The following EPHX2 variants were observed in gnomAD, a reference collection of about 807,000 sequenced individuals.
The protein encoded by EPHX2 is bifunctional epoxide hydrolase 2.
Under a neutral mutation model 78.7 loss-of-function variants are expected in EPHX2, and 74 were observed. The observed-to-expected ratio is 0.94, with a 90% CI of 0.78 to 1.14. EPHX2 has a LOEUF of 1.14. Among genes scored for constraint, EPHX2 ranks in the 50% most tolerant of loss-of-function variants. EPHX2 has a pLI of 0.00. For missense variants in EPHX2, 715 were observed against 702.5 expected (o/e 1.02, Z -0.20); for synonymous variants, 251 against 255.2 (o/e 0.98, Z 0.16).
chr8:27,546,574 C>T (rs1280636809), downstream of EPHX2, among the ~76,000 whole-genome samples: 1 of 152,112 alleles, frequency 6.6e-6, no homozygotes, highest in African/African-American at 2.4e-5. Context: ...TGTAAGGGAG[C>T]AGTTGGGGGA....
intron 16 of EPHX2, 73 bp from the exon 17 acceptor site, chr8:27,543,676 G>T: frequency 6.7e-7 from 1 of 1,485,678 alleles, no homozygotes; most frequent in South Asian, 1.2e-5. Flanking sequence ...TGGCGAGCAG[G>T]GGTCTTTCAG....
chr8:27,511,977 A>T, intron 6 of EPHX2, 67 bp downstream of exon 6: 1 of 1,487,126 alleles, frequency 6.7e-7, no homozygotes, highest in South Asian at 1.1e-5. Context: ...CGACCAGCAG[A>T]GACACCCAAG....
intron 10 of EPHX2, among the ~76,000 whole-genome samples, chr8:27,521,584 C>T (rs893687331): frequency 2.6e-5 from 4 of 152,184 alleles, no homozygotes; most frequent in Non-Finnish European, 2.9e-5. Flanking sequence ...GGCGCTGTGC[C>T]TGACACGGCA....
chr8:27,512,232 G>A (rs912911428), intron 6 of EPHX2: 2 of 317,854 alleles, frequency 6.3e-6, no homozygotes, highest in Admixed American at 4.6e-5. Flanking sequence ...GACAGACCCT[G>A]TCTCGGATTC....
intron 1 of EPHX2, among the ~76,000 whole-genome samples, chr8:27,500,649 T>C (rs527966570): frequency 6.6e-6 from 1 of 152,276 alleles, no homozygotes; most frequent in African/African-American, 2.4e-5. Context: ...CGTTATATAG[T>C]AAAGTAGGAA....
intron 2 of EPHX2, 82 bp from the exon 3 acceptor site, chr8:27,503,522 A>T (rs1180959765): frequency 7.0e-7 from 1 of 1,419,718 alleles, no homozygotes; most frequent in Non-Finnish European, 9.6e-7. Flanking sequence ...GTCACAGGGA[A>T]TGTATATGTT....
At chr8:27,517,563 C>G (rs985433144) in intron 8 of EPHX2, among the ~76,000 whole-genome samples, 1 of 152,186 alleles carries the variant, frequency 6.6e-6, no homozygotes, top group Non-Finnish European at 1.5e-5. Flanking sequence ...TTCAGTGGAA[C>G]AGAATAGAAA....
At chr8:27,511,267 G>A (rs746363182) in intron 5 of EPHX2, among the ~76,000 whole-genome samples, 6 of 152,270 alleles carry the variant, frequency 3.9e-5, no homozygotes, top group Admixed American at 3.3e-4. Context: ...CTGTGCTGGA[G>A]TGACTGCTGT....
At chr8:27,546,867 G>A, downstream of EPHX2, among the ~76,000 whole-genome samples, 1 of 152,202 alleles carries the variant, frequency 6.6e-6, no homozygotes, top group Non-Finnish European at 1.5e-5. Flanking sequence ...AAGAAAAGAG[G>A]TTTAATTGGC....
At chr8:27,500,034 T>C (rs893960784) in intron 1 of EPHX2, among the ~76,000 whole-genome samples, 1 of 152,212 alleles carries the variant, frequency 6.6e-6, no homozygotes, top group Non-Finnish European at 1.5e-5. Context: ...ATGTATGTAT[T>C]TGGGATGGGG....
chr8:27,532,192 C>T (rs1815068066), intron 12 of EPHX2, among the ~76,000 whole-genome samples: 1 of 152,008 alleles, frequency 6.6e-6, no homozygotes, highest in South Asian at 2.1e-4. Flanking sequence ...GACCCTGGCC[C>T]CTTTCCCTCC....
At chr8:27,531,225 C>A (rs1815029654) in intron 12 of EPHX2, among the ~76,000 whole-genome samples, 1 of 152,190 alleles carries the variant, frequency 6.6e-6, no homozygotes, top group Non-Finnish European at 1.5e-5. Flanking sequence ...TTCAACGAGG[C>A]ACTTAAGGCC....
At chr8:27,505,428 C>T (rs779514578) in intron 4 of EPHX2, among the ~76,000 whole-genome samples, 2 of 152,166 alleles carry the variant, frequency 1.3e-5, no homozygotes, top group Non-Finnish European at 2.9e-5. Flanking sequence ...AGTTTACTTA[C>T]AAAGAAATGG....
intron 2 of EPHX2, among the ~76,000 whole-genome samples, chr8:27,501,387 C>CTTTCTTCTTTCTTCTTTCTTCTTTCTTCT (rs765658239): frequency 1.5e-5 from 1 of 67,504 alleles, no homozygotes; most frequent in Non-Finnish European, 3.0e-5. Context: ...TCTTCTTCTT[C>CTTTCTTCTTTCTTCTTTCTTCTTTCTTCT]TTCTTCTTTC....
intron 13 of EPHX2, among the ~76,000 whole-genome samples, 198 bp downstream of exon 13, chr8:27,537,053 T>C (rs1815238061): frequency 6.6e-6 from 1 of 152,228 alleles, no homozygotes; most frequent in Non-Finnish European, 1.5e-5. Context: ...ATGATTATAA[T>C]AATGATGGCT....
chr8:27,538,928 T>G, intron 14 of EPHX2: 1 of 559,394 alleles, frequency 1.8e-6, no homozygotes, highest in Non-Finnish European at 3.2e-6. Flanking sequence ...AGTAAGAGCT[T>G]GGAGGAGTCT....
At chr8:27,512,100 GAAAAA>G in intron 6 of EPHX2, 190 bp downstream of exon 6, 98 of 135,838 alleles carry the variant, frequency 7.2e-4, no homozygotes, top group Middle Eastern at 4.7e-3. Context: ...CCTGTCTCAA[GAAAAA>G]AAAAAAAAAA....
At chr8:27,524,061 TA>T (rs1008891330) in intron 11 of EPHX2, among the ~76,000 whole-genome samples, 3 of 151,954 alleles carry the variant, frequency 2.0e-5, no homozygotes, top group Non-Finnish European at 4.4e-5. Flanking sequence ...GCCTCCTGAG[TA>T]GCTGGGACCA....
At chr8:27,525,108 G>A (rs1461752664) in intron 11 of EPHX2, among the ~76,000 whole-genome samples, 3 of 128,304 alleles carry the variant, frequency 2.3e-5, no homozygotes, top group Admixed American at 7.3e-5. Flanking sequence ...GTGTGTGTGT[G>A]CGCGCGCGCG....
Sources: gnomAD v4.1 joint callset for allele counts (sites outside exome capture counted in the v4.1 genomes callset) on GRCh38, gnomAD v4.1.1 for gene constraint, MANE v1.5 for transcripts, NCBI Gene and HGNC (gene_info 2026-07-23, HGNC 2026-07-21) for gene names.